IL17RD: variants seen among roughly 807,000 people sequenced by gnomAD.
IL17RD encodes interleukin 17 receptor D.
Under a neutral mutation model 80.5 loss-of-function variants are expected in IL17RD, and 52 were observed. The observed-to-expected ratio is 0.65, with a 90% confidence interval of 0.52 to 0.81. IL17RD has a LOEUF of 0.81. IL17RD is among the 40% of genes least tolerant of loss of function. The pLI is 0.00. For missense variants in IL17RD, 1,024 were observed against 955.1 expected (o/e 1.07, Z -0.95); for synonymous variants, 416 against 391.8 (o/e 1.06, Z -0.73).
intron 9 of IL17RD, 59 bp downstream of exon 9, chr3:57,103,032 T>C (rs1466952289): frequency 4.2e-6 from 5 of 1,177,638 alleles, no homozygotes; most frequent in Non-Finnish European, 6.2e-6. Context: ...GTACAGAGAG[T>C]ATCACATACC....
chr3:57,162,982 G>C (rs2060315843), intron 1 of IL17RD, among the ~76,000 whole-genome samples: 1 of 152,188 alleles, frequency 6.6e-6, no homozygotes, highest in Admixed American at 6.5e-5. Flanking sequence ...GGGAGGAAAA[G>C]GCATCCTGGG....
chr3:57,168,763 T>C (rs2060358190), upstream of IL17RD, among the ~76,000 whole-genome samples: 1 of 152,160 alleles, frequency 6.6e-6, no homozygotes, highest in South Asian at 2.1e-4. Context: ...GTTGCCCAGG[T>C]TGGAGTGCAA....
intron 1 of IL17RD, among the ~76,000 whole-genome samples, chr3:57,156,952 T>C (rs1402514113): frequency 6.6e-6 from 1 of 152,154 alleles, no homozygotes; most frequent in Non-Finnish European, 1.5e-5. Context: ...TTTCTTCCTA[T>C]AAAAACATCA....
chr3:57,165,322 C>G lies in IL17RD; in HGVS notation c.-36G>C. On this transcript the variant is annotated 5_prime_UTR_variant, in exon 1 of 13. Coordinates refer to ENST00000296318, the MANE Select transcript of IL17RD (RefSeq NM_017563.5). ...TCGCCCAGCCAGGCCGTTCTCTGCG[C>G]CCCGGCCGCCCGCCGCTGGCCAGCC... 1 of 1,319,852 alleles carries G rather than the reference C, an allele frequency of 7.6e-7. No homozygotes were observed. Among genetic ancestry groups the G allele is most frequent in the Non-Finnish European group, 9.7e-7 (1 of 1,030,704 alleles). The allele number at this position is 1,319,852 out of a possible 1,614,324, so 81.8% of individuals were successfully genotyped here.
At chr3:57,127,615 C>G (rs1369672252) in intron 1 of IL17RD, among the ~76,000 whole-genome samples, 1 of 151,488 alleles carries the variant, frequency 6.6e-6, no homozygotes, top group East Asian at 1.9e-4. Context: ...CCATGTTAGT[C>G]AGCCTGGTCT....
chr3:57,126,508 G>T (rs538435535), intron 1 of IL17RD, among the ~76,000 whole-genome samples: 1 of 152,236 alleles, frequency 6.6e-6, no homozygotes, highest in African/African-American at 2.4e-5. Flanking sequence ...GGCCGGCAGC[G>T]GAGCAGGATC....
upstream of IL17RD, among the ~76,000 whole-genome samples, chr3:57,166,681 C>T (rs1295769953): frequency 6.6e-6 from 1 of 152,204 alleles, no homozygotes; most frequent in African/African-American, 2.4e-5. Flanking sequence ...TCCATACTGG[C>T]TTTCTCTTCC....
chr3:57,157,126 T>C (rs1469462262), intron 1 of IL17RD, among the ~76,000 whole-genome samples: 1 of 151,912 alleles, frequency 6.6e-6, no homozygotes, highest in African/African-American at 2.4e-5. Context: ...CAGGGGAAAC[T>C]GAGGCAGAGC....
chr3:57,159,053 T>A (rs183780730), intron 1 of IL17RD, among the ~76,000 whole-genome samples: 53 of 152,260 alleles, frequency 3.5e-4, no homozygotes, highest in Middle Eastern at 6.8e-3. Flanking sequence ...AAATTGTTGA[T>A]TGGATTGCTT....
chr3:57,127,379 A>AATAAATATATATAAATAT (rs1707513166), intron 1 of IL17RD, among the ~76,000 whole-genome samples: 1 of 82,234 alleles, frequency 1.2e-5, no homozygotes, highest in Non-Finnish European at 2.2e-5. Context: ...TATATATATA[A>AATAAATATATATAAATAT]ATAAATAAAT....
upstream of IL17RD, among the ~76,000 whole-genome samples, chr3:57,168,667 C>CTTTG (rs1043742767): frequency 6.6e-6 from 1 of 151,770 alleles, no homozygotes; most frequent in Non-Finnish European, 1.5e-5. Context: ...CCCATTGATT[C>CTTTG]TCCCATCTCC....
intron 1 of IL17RD, among the ~76,000 whole-genome samples, chr3:57,143,143 A>G (rs12496376): frequency 0.15 from 23,156 of 152,264 alleles, 2,270 homozygotes; most frequent in East Asian, 0.38. Context: ...AGTAGAGAGC[A>G]GCTGCTGGTA....
At chr3:57,131,711 T>C (rs573177883) in intron 1 of IL17RD, among the ~76,000 whole-genome samples, 22 of 152,292 alleles carry the variant, frequency 1.4e-4, no homozygotes, top group East Asian at 7.7e-4. Flanking sequence ...AGCTTTTTAT[T>C]TGGGGGAGAA....
intron 1 of IL17RD, among the ~76,000 whole-genome samples, chr3:57,149,288 C>T (rs1272345980): frequency 6.8e-6 from 1 of 147,554 alleles, no homozygotes; most frequent in Admixed American, 6.7e-5. Context: ...AAGAGCGAAA[C>T]TCCATCTCAA....
Position 57,098,275 on chromosome 3 carries a change from G to A in IL17RD, c.1428C>T (p.Ile476=), listed in dbSNP as rs748920332. 18 of 1,613,860 alleles carry A rather than the reference G, an allele frequency of 1.1e-5. No individual in the cohort carries two copies. The highest frequency in any genetic ancestry group is 1.6e-4 in the Middle Eastern group (1 of 6,084). Residue 476 remains isoleucine, a synonymous_variant, in exon 12 of 13, where the codon ATC becomes ATT. Transcript: ENST00000296318. The part of the protein sequence containing the change: ...QSSSAALSKF[I]AVYFDYSCEG... ...CGCAGGAATAATCAAAGTAGACGGC[G>A]ATAAACTTGCTGAGCGCCGCGGACG...
Position 57,097,677 on chromosome 3 carries a change from G to A in IL17RD, c.2026C>T (p.Leu676=), listed in dbSNP as rs1560192869. 1 of 1,605,786 alleles carries A rather than the reference G, an allele frequency of 6.2e-7. No individual in the cohort carries two copies. Among genetic ancestry groups the A allele is most frequent in the Admixed American group, 1.7e-5 (1 of 58,728 alleles). Residue 676 remains leucine (L), a synonymous_variant, in exon 12 of 13, where the codon CTG becomes TTG. Transcript: ENST00000296318. ...DSSVPSSELS[L]PLMEGLSTDQ... is the part of the protein sequence containing the mutation. ...GTCGAGAGTCCTTCCATCAGTGGCA[G>A]AGACAGCTCGGATGAGGGCACAGAC...
intron 7 of IL17RD, among the ~76,000 whole-genome samples, chr3:57,105,552 A>AAAAAAAAAAAAAAAATATATATAT: frequency 1.9e-4 from 12 of 63,582 alleles, no homozygotes; most frequent in African/African-American, 1.0e-3. Flanking sequence ...AAAAAAAAAA[A>AAAAAAAAAAAAAAAATATATATAT]ATATATATAT....
At chr3:57,110,083 TG>T in intron 4 of IL17RD, 109 bp downstream of exon 4, 2 of 1,260,558 alleles carry the variant, frequency 1.6e-6, no homozygotes, top group Non-Finnish European at 2.2e-6. Flanking sequence ...CCTTGGCGGG[TG>T]GGGTGGACCC....
At chr3:57,125,267 C>T (rs781780613) in intron 1 of IL17RD, among the ~76,000 whole-genome samples, 4 of 152,014 alleles carry the variant, frequency 2.6e-5, no homozygotes, top group African/African-American at 9.7e-5. Flanking sequence ...ATTAGCCAGG[C>T]GTGGTGGTGG....
Sources: gnomAD v4.1 joint callset for allele counts (sites outside exome capture counted in the v4.1 genomes callset) on GRCh38, gnomAD v4.1.1 for gene constraint, MANE v1.5 for transcripts, NCBI Gene and HGNC (gene_info 2026-07-23, HGNC 2026-07-21) for gene names.